Variants in KCNQ1 observed in about 807,000 individuals in gnomAD.
KCNQ1 encodes potassium voltage-gated channel subfamily KQT member 1.
Under a neutral mutation model 72.4 loss-of-function variants are expected in KCNQ1, and 49 were observed. The observed-to-expected ratio is 0.68, with a 90% CI of 0.54 to 0.86. The LOEUF is 0.86. KCNQ1 is among the 40% of genes least tolerant of loss of function. The pLI is 0.00. For missense variants in KCNQ1, 790 were observed against 945.1 expected, an observed-to-expected ratio of 0.84 and a Z score of 2.15; for synonymous variants, 450 against 412.6, an observed-to-expected ratio of 1.09 and a Z score of -1.10.
chr11:2,507,775 C>A lies in KCNQ1; in HGVS notation c.387-20153C>A, dbSNP rs796957177. On this transcript the variant is annotated intron_variant, in intron 1 of 15. Coordinates refer to ENST00000155840, the MANE Select transcript of KCNQ1 (RefSeq NM_000218.3). The surrounding 1 kb of genome is among the most constrained non-coding windows in gnomAD (Gnocchi z 5.4). The stretch of plus-strand genomic sequence containing the variant: ...AGGGGCTAGACAGGGCCTCCTGTAG[C>A]CTGGGTGGGTGGAAGGGCAGAGGGC... Among the ~76,000 whole-genome samples the A allele has an allele frequency of 2.6e-5, 4 of 151,998 alleles. No homozygotes were observed. The highest frequency in any genetic ancestry group is 9.6e-5 in the African/African-American group (4 of 41,464).
In KCNQ1 at chr11:2,479,425, A is replaced by T. The variant is rs995657792; in HGVS notation, c.386+33941A>T. 1.3e-5 allele frequency among the ~76,000 whole-genome samples: 2 copies of T among 152,214 alleles called. No homozygotes were observed. ...TCTAGGCAGAGCTTTCCATACCTCAATTCTTGACTTCTGTGCACCCACAGG... is the reference window on the plus strand; with the variant it reads ...TCTAGGCAGAGCTTTCCATACCTCATTTCTTGACTTCTGTGCACCCACAGG... On this transcript the variant is annotated intron_variant, in intron 1 of 15. Coordinates refer to ENST00000155840, the MANE Select transcript of KCNQ1 (RefSeq NM_000218.3). The surrounding 1 kb of genome is among the most constrained non-coding windows in gnomAD (Gnocchi z 4.6).
rs558887278 is a variant in KCNQ1, at chr11:2,544,352, A to G, written c.477+16334A>G. Among the ~76,000 whole-genome samples the G allele has an allele frequency of 1.4e-4, 21 of 146,636 alleles. No homozygotes were observed. The highest frequency in any genetic ancestry group is 4.8e-4 in the Admixed American group (7 of 14,518). On this transcript the variant is annotated intron_variant, in intron 2 of 15. Transcript: ENST00000155840. The surrounding 1 kb of genome is among the most constrained non-coding windows in gnomAD (Gnocchi z 4.4). ...TATATATGTGTATGTATATGTATAT[A>G]TATGTGTATATATATGTGTATATAT...
Position 2,676,101 on chromosome 11 carries a change from GTACT to G in KCNQ1, c.1514+14023_1514+14026del, listed in dbSNP as rs1674449518. The G allele has an allele frequency of 2.5e-6, 1 of 398,538 alleles. No individual in the cohort carries two copies. Among genetic ancestry groups the G allele is most frequent in the South Asian group, 1.3e-4 (1 of 7,866 alleles). 24.7% of individuals were successfully genotyped at this position (398,538 alleles called of 1,614,324 possible). On this transcript the variant is annotated intron_variant, in intron 11 of 15. Coordinates refer to ENST00000155840, the MANE Select transcript of KCNQ1 (RefSeq NM_000218.3). This position sits in a 1 kb window ranked among gnomAD's most constrained non-coding sequence, Gnocchi z 4.2. ...AATATACGTGTGTCTGTGTGTGCAT[GTACT>G]TAGTAGATACGGCTCCTTTTTATAC...
rs986989033 is a variant in KCNQ1 at position 2,559,626 on chromosome 11, G to T, written c.478-11002G>T. On this transcript the variant is annotated intron_variant, in intron 2 of 15. Transcript: ENST00000155840. This position sits in a 1 kb window ranked among gnomAD's most constrained non-coding sequence, Gnocchi z 4.9. Reference sequence around the variant, plus strand: ...ACCCAGCAAGTCCCTTGCCTCTCTCGCTCACCAGGAAGAAGACACGTCCGG... The same window carrying T: ...ACCCAGCAAGTCCCTTGCCTCTCTCTCTCACCAGGAAGAAGACACGTCCGG... Among the ~76,000 whole-genome samples, 4 of 152,152 alleles carry T rather than the reference G, an allele frequency of 2.6e-5. No homozygotes were observed. The East Asian group carries it at 7.7e-4, about 29-fold the overall frequency.
chr11:2,583,091 C>T (rs1026498306), intron 6 of KCNQ1, among the ~76,000 whole-genome samples: 3 of 152,144 alleles, frequency 2.0e-5, no homozygotes, highest in Admixed American at 6.5e-5. Flanking sequence ...CGTCGGTGGC[C>T]CAGGGGCCCA....
chr11:2,568,480 T>C (rs1001363875), intron 2 of KCNQ1, among the ~76,000 whole-genome samples: 1 of 152,144 alleles, frequency 6.6e-6, no homozygotes, highest in African/African-American at 2.4e-5. Flanking sequence ...TGGAGCTCTG[T>C]GTTTCCGTGG....
Position 2,627,742 on chromosome 11 carries a change from C to T in KCNQ1, c.1394-34219C>T. The T allele has an allele frequency of 5.0e-6, 2 of 398,264 alleles. No individual in the cohort carries two copies. The highest frequency in any genetic ancestry group is 2.6e-4 in the South Asian group (2 of 7,792). 24.7% of individuals were successfully genotyped at this position (398,264 alleles called of 1,614,324 possible). A position where few individuals can be genotyped will look rare whatever the true frequency, so the allele number is the denominator to read the frequency against. The stretch of plus-strand genomic sequence containing the variant: ...ATTTGGGAATTTGGTGATACACACA[C>T]ACACACTATTTTCTTCCTTTCTTTT... On this transcript the variant is annotated intron_variant, in intron 10 of 15. Transcript: ENST00000155840. This position sits in a 1 kb window ranked among gnomAD's most constrained non-coding sequence, Gnocchi z 4.9.
chr11:2,657,829 G>C lies in KCNQ1; in HGVS notation c.1394-4132G>C. 1 of 398,582 alleles carries C rather than the reference G, an allele frequency of 2.5e-6. No homozygotes were observed. The allele number at this position is 398,582 out of a possible 1,614,324, so 24.7% of individuals were successfully genotyped here. ...TTGTCCCTCAGTTTGGATTTGTCTG[G>C]TGTTTTCTCAGGACTAGACCAGGGT... is the stretch of plus-strand genomic sequence containing the variant. On this transcript the variant is annotated intron_variant, in intron 10 of 15. Transcript: ENST00000155840. The surrounding 1 kb of genome is among the most constrained non-coding windows in gnomAD (Gnocchi z 4.8).
intron 10 of KCNQ1, chr11:2,646,303 T>G: frequency 2.5e-6 from 1 of 396,812 alleles, no homozygotes; most frequent in Non-Finnish European, 4.4e-6. Flanking sequence ...TAGGTAAATA[T>G]GATCATTTTA....
Position 2,647,735 on chromosome 11 carries a change from T to C in KCNQ1, c.1394-14226T>C, listed in dbSNP as rs1564844325. On this transcript the variant is annotated intron_variant, in intron 10 of 15. Transcript: ENST00000155840. This position sits in a 1 kb window ranked among gnomAD's most constrained non-coding sequence, Gnocchi z 4.0. ...GTTCAATCTTGGGAGGTTATATATG[T>C]CCAGGAATTTATCTCTTTCCTCTAG... The C allele has an allele frequency of 2.5e-6, 1 of 398,396 alleles. No homozygotes were observed. Among genetic ancestry groups the C allele is most frequent in the East Asian group, 3.6e-5 (1 of 28,064 alleles). 24.7% of individuals were successfully genotyped at this position (398,396 alleles called of 1,614,324 possible). A position where few individuals can be genotyped will look rare whatever the true frequency, so the allele number is the denominator to read the frequency against.
At chr11:2,510,721 G>A (rs1437963065) in intron 1 of KCNQ1, among the ~76,000 whole-genome samples, 1 of 152,214 alleles carries the variant, frequency 6.6e-6, no homozygotes. Context: ...CTGAGGCCCA[G>A]GCCAGATGCT....
intron 1 of KCNQ1, among the ~76,000 whole-genome samples, chr11:2,513,956 CCA>C (rs1847249056): frequency 6.6e-6 from 1 of 152,198 alleles, no homozygotes. Context: ...GGGGCCTGTC[CCA>C]TGCTGGCTCA....
intron 1 of KCNQ1, among the ~76,000 whole-genome samples, chr11:2,490,025 C>T (rs1018199548): frequency 1.3e-5 from 2 of 152,134 alleles, no homozygotes; most frequent in Non-Finnish European, 2.9e-5. Flanking sequence ...TGCTCTAGGC[C>T]AGAAGGGAGC....
intron 1 of KCNQ1, among the ~76,000 whole-genome samples, chr11:2,524,222 C>T (rs561788350): frequency 1.6e-4 from 24 of 152,266 alleles, no homozygotes; most frequent in Non-Finnish European, 2.8e-4. Context: ...CCACCCTCAC[C>T]GCAGCCCTAT....
At chr11:2,552,389 C>T (rs958415989) in intron 2 of KCNQ1, among the ~76,000 whole-genome samples, 3 of 152,096 alleles carry the variant, frequency 2.0e-5, no homozygotes, top group Admixed American at 6.6e-5. Context: ...ATCAGTTGGC[C>T]GTGTGTGTGG....
chr11:2,447,280 G>A lies in KCNQ1; in HGVS notation c.386+1796G>A, dbSNP rs1422833921. Among the ~76,000 whole-genome samples the A allele has an allele frequency of 6.6e-6, 1 of 152,206 alleles. No individual in the cohort carries two copies. ...CCGCAGAGCTGGCAAGGCAGGGGTG[G>A]CTTCTGGGGACAGGGGCAGGATGGC... On this transcript the variant is annotated intron_variant, in intron 1 of 15. Coordinates refer to ENST00000155840, the MANE Select transcript of KCNQ1 (RefSeq NM_000218.3). The surrounding 1 kb of genome is among the most constrained non-coding windows in gnomAD (Gnocchi z 7.6).
chr11:2,635,107 A>G (rs915976637), intron 10 of KCNQ1: 4 of 152,170 alleles, frequency 2.6e-5, no homozygotes, highest in African/African-American at 9.7e-5. Context: ...GTAGATTGCA[A>G]AAAATTTCTC....
At chr11:2,506,690 C>T (rs115160123) in intron 1 of KCNQ1, among the ~76,000 whole-genome samples, 3 of 152,332 alleles carry the variant, frequency 2.0e-5, no homozygotes, top group East Asian at 1.9e-4. Context: ...CCCTGCAGAA[C>T]GGTTGCACAT....
chr11:2,456,704 C>A (rs58807875), intron 1 of KCNQ1, among the ~76,000 whole-genome samples: 4 of 144,834 alleles, frequency 2.8e-5, no homozygotes, highest in East Asian at 2.0e-4. Context: ...GGCAGATCAC[C>A]AGGTCAGGAG....
Sources: gnomAD v4.1 joint callset for allele counts (sites outside exome capture counted in the v4.1 genomes callset) on GRCh38, gnomAD v4.1.1 for gene constraint, Gnocchi (gnomAD v3.1) non-coding constraint, MANE v1.5 for transcripts, NCBI Gene and HGNC (gene_info 2026-07-23, HGNC 2026-07-21) for gene names.